Variants in CAMK1D observed in about 807,000 individuals in gnomAD.
CAMK1D encodes calcium/calmodulin dependent protein kinase ID.
In CAMK1D, 9 loss-of-function variants were observed where a neutral mutation model predicts 47.7. The ratio of observed to expected loss-of-function variants is 0.19; its 90% CI spans 0.11 to 0.33. The LOEUF is 0.33. Among genes scored for constraint, CAMK1D ranks in the 10% least tolerant of loss-of-function variants. The probability of loss-of-function intolerance (pLI) is 1.00; values close to 1 mark genes in which losing one functional copy is unlikely to be tolerated. For missense variants in CAMK1D, 291 were observed against 488.7 expected (o/e 0.60, Z 3.81); for synonymous variants, 184 against 184.9 (o/e 0.99, Z 0.04).
chr10:12,659,282 G>T (rs942067988), intron 2 of CAMK1D, among the ~76,000 whole-genome samples: 1 of 152,194 alleles, frequency 6.6e-6, no homozygotes, highest in African/African-American at 2.4e-5. Flanking sequence ...TTCATGCTAA[G>T]AAGTTTTATC....
intron 2 of CAMK1D, among the ~76,000 whole-genome samples, chr10:12,659,559 A>C (rs554633091): frequency 2.0e-5 from 3 of 152,206 alleles, no homozygotes. Flanking sequence ...GTGACTGACA[A>C]TATCCCAATT....
At chr10:12,404,904 G>A (rs1298182795) in intron 1 of CAMK1D, among the ~76,000 whole-genome samples, 2 of 151,978 alleles carry the variant, frequency 1.3e-5, no homozygotes, top group African/African-American at 2.4e-5. Flanking sequence ...GGTCGGGCTG[G>A]TCTTGAACTC....
intron 3 of CAMK1D, among the ~76,000 whole-genome samples, chr10:12,690,069 C>A (rs913804389): frequency 6.6e-6 from 1 of 152,182 alleles, no homozygotes; most frequent in Non-Finnish European, 1.5e-5. Context: ...AGTACGGCCT[C>A]GTGCTCTGTG....
intron 3 of CAMK1D, among the ~76,000 whole-genome samples, chr10:12,674,628 T>A (rs1840743547): frequency 6.8e-6 from 1 of 146,680 alleles, no homozygotes. Flanking sequence ...CAGAATTCTG[T>A]TTTTGGAACA....
chr10:12,419,250 GA>G lies in CAMK1D; in HGVS notation c.92+69350del, dbSNP rs551844264. 5.3e-3 allele frequency among the ~76,000 whole-genome samples: 791 copies of G among 148,794 alleles called. 7 individuals carry two copies. The highest frequency in any genetic ancestry group is 0.019 in the African/African-American group (753 of 40,652). On this transcript the variant is annotated intron_variant, in intron 1 of 10. Transcript: ENST00000619168. ...ACTCACCCCTACTTTCTGCCCCTAT[GA>G]AAAAAAAAATAAATAAAAGGCAAGA...
chr10:12,522,347 C>CCCCT, intron 1 of CAMK1D, among the ~76,000 whole-genome samples: 2 of 96,774 alleles, frequency 2.1e-5, no homozygotes, highest in East Asian at 5.3e-4. Context: ...CCCTGCGGCC[C>CCCCT]TCCGCAGTGT....
chr10:12,590,010 C>T (rs1291798806), intron 2 of CAMK1D, among the ~76,000 whole-genome samples: 1 of 152,098 alleles, frequency 6.6e-6, no homozygotes, highest in Non-Finnish European at 1.5e-5. Flanking sequence ...AGTTCTTTGC[C>T]AATTATAATA....
intron 1 of CAMK1D, among the ~76,000 whole-genome samples, chr10:12,443,201 G>A (rs185311881): frequency 3.9e-5 from 6 of 152,162 alleles, no homozygotes; most frequent in Admixed American, 1.3e-4. Flanking sequence ...GTTTATGTGC[G>A]GCAGATCTTC....
chr10:12,660,026 C>T (rs1164090902), intron 2 of CAMK1D, among the ~76,000 whole-genome samples: 3 of 152,200 alleles, frequency 2.0e-5, no homozygotes, highest in African/African-American at 7.2e-5. Context: ...TTGTCTCTCC[C>T]TTCCGATTGT....
intron 5 of CAMK1D, among the ~76,000 whole-genome samples, chr10:12,789,098 T>C (rs12257318): frequency 0.017 from 2,536 of 152,326 alleles, 66 homozygotes; most frequent in African/African-American, 0.057. Context: ...ATTTCCCTTT[T>C]CATTTTTCTG....
chr10:12,687,528 C>T (rs1027679040), intron 3 of CAMK1D, among the ~76,000 whole-genome samples: 14 of 152,094 alleles, frequency 9.2e-5, no homozygotes, highest in Admixed American at 2.0e-4. Flanking sequence ...TGGTGATTGG[C>T]GTCTAAATTC....
chr10:12,781,999 C>A (rs1654242410), intron 5 of CAMK1D, among the ~76,000 whole-genome samples: 1 of 143,806 alleles, frequency 7.0e-6, no homozygotes, highest in African/African-American at 2.6e-5. Flanking sequence ...TTTTGCCATC[C>A]TGATCTATTG....
At chr10:12,524,937 G>C (rs1437803404) in intron 1 of CAMK1D, among the ~76,000 whole-genome samples, 1 of 151,692 alleles carries the variant, frequency 6.6e-6, no homozygotes, top group Non-Finnish European at 1.5e-5. Context: ...ATTTTTTTCT[G>C]TCTCTTTTTT....
intron 1 of CAMK1D, among the ~76,000 whole-genome samples, chr10:12,538,607 A>T (rs990857077): frequency 6.6e-6 from 1 of 152,148 alleles, no homozygotes; most frequent in Non-Finnish European, 1.5e-5. Flanking sequence ...TCTTGCGATG[A>T]TGAGGATGGA....
intron 3 of CAMK1D, among the ~76,000 whole-genome samples, chr10:12,700,862 A>T (rs1292034305): frequency 6.6e-6 from 1 of 152,212 alleles, no homozygotes; most frequent in Non-Finnish European, 1.5e-5. Context: ...CCAGCAGGTG[A>T]ATTTGTAAAT....
At chr10:12,382,844 C>A (rs1838382761) in intron 1 of CAMK1D, among the ~76,000 whole-genome samples, 1 of 152,098 alleles carries the variant, frequency 6.6e-6, no homozygotes, top group African/African-American at 2.4e-5. Flanking sequence ...AACAAACAAA[C>A]ATGACTTCAA....
intron 2 of CAMK1D, among the ~76,000 whole-genome samples, chr10:12,618,350 T>C (rs1040924258): frequency 1.3e-5 from 2 of 152,264 alleles, no homozygotes; most frequent in Admixed American, 1.3e-4. Context: ...CTTCGCACTT[T>C]CAATGCATGC....
intron 2 of CAMK1D, among the ~76,000 whole-genome samples, chr10:12,568,215 C>G: frequency 1.1e-5 from 1 of 92,734 alleles, no homozygotes; most frequent in African/African-American, 4.3e-5. Context: ...CTTCCCTTCC[C>G]TTCCTGCCCC....
At chr10:12,581,118 T>C (rs1202509182) in intron 2 of CAMK1D, among the ~76,000 whole-genome samples, 1 of 152,146 alleles carries the variant, frequency 6.6e-6, no homozygotes, top group Non-Finnish European at 1.5e-5. Context: ...AGCTCCCACT[T>C]ATGAGTGAGA....
Sources: gnomAD v4.1 joint callset for allele counts (sites outside exome capture counted in the v4.1 genomes callset) on GRCh38, gnomAD v4.1.1 for gene constraint, MANE v1.5 for transcripts, NCBI Gene and HGNC (gene_info 2026-07-23, HGNC 2026-07-21) for gene names.